SHQ1: variants seen among roughly 807,000 people sequenced by gnomAD.
SHQ1 encodes protein SHQ1 homolog.
Under a neutral mutation model 53.8 loss-of-function variants are expected in SHQ1, and 49 were observed. The observed-to-expected ratio is 0.91, with a 90% CI of 0.72 to 1.16. The LOEUF is 1.16. Among genes scored for constraint, SHQ1 ranks in the 50% most tolerant of loss-of-function variants. The probability of loss-of-function intolerance (pLI) is 0.00; values close to 1 mark genes in which losing one functional copy is unlikely to be tolerated. For missense variants in SHQ1, 738 were observed against 683.1 expected (o/e 1.08, Z -0.90); for synonymous variants, 243 against 251.0 (o/e 0.97, Z 0.30).
Position 72,765,557 on chromosome 3 carries a change from ATTT to A in SHQ1, c.1182-14724_1182-14722del, listed in dbSNP as rs61074795. ...TATATATATATATATATATATATATATTTTTTTTTTTTTTTTGAGACAGTCTCA... is the reference window on the plus strand; with the variant it reads ...TATATATATATATATATATATATATATTTTTTTTTTTTTGAGACAGTCTCA... On this transcript the variant is annotated intron_variant, in intron 10 of 10. Coordinates refer to ENST00000325599, the MANE Select transcript of SHQ1 (RefSeq NM_018130.3). Among the ~76,000 whole-genome samples, 185 of 57,172 alleles carry A rather than the reference ATTT, an allele frequency of 3.2e-3. 2 individuals are homozygous for A. The highest frequency in any genetic ancestry group is 0.012 in the African/African-American group (154 of 12,618). 37.5% of individuals were successfully genotyped at this position (57,172 alleles called of 152,430 possible).
intron 9 of SHQ1, among the ~76,000 whole-genome samples, chr3:72,806,798 T>A (rs920147408): frequency 6.6e-6 from 1 of 152,158 alleles, no homozygotes; most frequent in South Asian, 2.1e-4. Context: ...CTATGAAAAT[T>A]TCCCTGACCC....
chr3:72,832,045 C>T (rs1707838666), intron 5 of SHQ1, among the ~76,000 whole-genome samples: 1 of 152,140 alleles, frequency 6.6e-6, no homozygotes, highest in Non-Finnish European at 1.5e-5. Flanking sequence ...CCATTAATCA[C>T]AACCAAAAGT....
chr3:72,737,422 A>T, the SHQ1 span, among the ~76,000 whole-genome samples: 1 of 152,130 alleles, frequency 6.6e-6, no homozygotes, highest in Non-Finnish European at 1.5e-5. Context: ...GGAAGGGGAA[A>T]GATGCATCTT....
intron 10 of SHQ1, among the ~76,000 whole-genome samples, chr3:72,769,181 A>C (rs1340648076): frequency 6.6e-6 from 1 of 152,168 alleles, no homozygotes. Context: ...TGTCCCACAT[A>C]ATGGAGACAG....
At chr3:72,844,335 T>A in intron 2 of SHQ1, 24 bp downstream of exon 2, 1 of 1,600,086 alleles carries the variant, frequency 6.2e-7, no homozygotes, top group African/African-American at 1.3e-5. Flanking sequence ...AGAAATAAAC[T>A]AACAAAAATT....
At chr3:72,827,376 C>T (rs1707692301) in intron 5 of SHQ1, among the ~76,000 whole-genome samples, 1 of 152,006 alleles carries the variant, frequency 6.6e-6, no homozygotes, top group South Asian at 2.1e-4. Context: ...AGAACTGGCA[C>T]AGTGAGAGAA....
At chr3:72,840,242 T>TAAAAAAAAAAAAAAA (rs71623990) in intron 4 of SHQ1, among the ~76,000 whole-genome samples, 3 of 93,590 alleles carry the variant, frequency 3.2e-5, no homozygotes, top group African/African-American at 4.5e-5. Flanking sequence ...GACTCTGTCT[T>TAAAAAAAAAAAAAAA]AAAAAAAAAA....
chr3:72,844,466 C>T (rs757916025), intron 1 of SHQ1, 43 bp from the exon 2 acceptor site: 65 of 1,499,518 alleles, frequency 4.3e-5, no homozygotes, highest in East Asian at 2.5e-4. Context: ...TAAATTATAA[C>T]GTAACATAAG....
intron 10 of SHQ1, among the ~76,000 whole-genome samples, chr3:72,752,502 A>G (rs1705407315): frequency 6.6e-6 from 1 of 152,124 alleles, no homozygotes; most frequent in Admixed American, 6.6e-5. Context: ...TTTTCTTTTT[A>G]TGAGAAAACC....
At chr3:72,798,209 C>T (rs531470680) in intron 9 of SHQ1, among the ~76,000 whole-genome samples, 6 of 152,250 alleles carry the variant, frequency 3.9e-5, no homozygotes, top group Non-Finnish European at 5.9e-5. Context: ...AAAAACAGTG[C>T]CTTGCACAGT....
chr3:72,834,167 T>A lies in SHQ1; in HGVS notation c.487-1686A>T, dbSNP rs150121208. 3.5e-4 allele frequency among the ~76,000 whole-genome samples: 54 copies of A among 152,340 alleles called. No individual in the cohort carries two copies. In the East Asian group the frequency reaches 0.01, roughly 28 times the overall value. On this transcript the variant is annotated intron_variant, in intron 4 of 10. Coordinates refer to ENST00000325599, the MANE Select transcript of SHQ1 (RefSeq NM_018130.3). ...CCTATCACAATCCATTTAGCTTAAG[T>A]AGTATCAATAATATTTCATCTAAGC...
intron 7 of SHQ1, among the ~76,000 whole-genome samples, 192 bp downstream of exon 7, chr3:72,817,038 A>G (rs1478561017): frequency 6.6e-6 from 1 of 152,200 alleles, no homozygotes; most frequent in African/African-American, 2.4e-5. Context: ...GAAAAGTGAA[A>G]AAGACCAACT....
At chr3:72,812,870 G>C in intron 8 of SHQ1, 76 bp from the exon 9 acceptor site, 17 of 1,523,094 alleles carry the variant, frequency 1.1e-5, no homozygotes, top group Non-Finnish European at 1.4e-5. Flanking sequence ...GAAATAGGAA[G>C]CTTTTCTCAT....
downstream of SHQ1, among the ~76,000 whole-genome samples, chr3:72,745,987 C>T (rs549083445): frequency 6.6e-6 from 1 of 151,976 alleles, no homozygotes; most frequent in African/African-American, 2.4e-5. Context: ...ATTACACGGG[C>T]CCGCCACCAC....
intron 3 of SHQ1, among the ~76,000 whole-genome samples, chr3:72,841,542 A>G (rs994592675): frequency 1.3e-5 from 2 of 152,166 alleles, no homozygotes; most frequent in Non-Finnish European, 2.9e-5. Context: ...AAAACAGAGG[A>G]TAGTGGTTAC....
chr3:72,819,444 A>T (rs532593276), intron 6 of SHQ1, among the ~76,000 whole-genome samples: 59 of 149,222 alleles, frequency 4.0e-4, no homozygotes, highest in African/African-American at 1.4e-3. Flanking sequence ...AAATATGTCC[A>T]TTTTTTTTTT....
chr3:72,768,423 G>A (rs544954324), intron 10 of SHQ1, among the ~76,000 whole-genome samples: 18 of 152,256 alleles, frequency 1.2e-4, no homozygotes, highest in Non-Finnish European at 1.2e-4. Flanking sequence ...GCTAAACCGC[G>A]GAGAAGAGCT....
At chr3:72,781,626 G>C (rs1706076212) in intron 10 of SHQ1, among the ~76,000 whole-genome samples, 1 of 152,038 alleles carries the variant, frequency 6.6e-6, no homozygotes, top group Non-Finnish European at 1.5e-5. Context: ...AGACTGACTA[G>C]AGTCCCCGAA....
chr3:72,791,881 T>C (rs1052271751), intron 10 of SHQ1, among the ~76,000 whole-genome samples: 22 of 152,218 alleles, frequency 1.4e-4, no homozygotes, highest in Non-Finnish European at 5.9e-5. Context: ...AATAGCCTCT[T>C]GCTACTGAAA....
Sources: gnomAD v4.1 joint callset for allele counts (sites outside exome capture counted in the v4.1 genomes callset) on GRCh38, gnomAD v4.1.1 for gene constraint, MANE v1.5 for transcripts, NCBI Gene and HGNC (gene_info 2026-07-23, HGNC 2026-07-21) for gene names.